The following LRRTM4 variants were observed in gnomAD, a reference collection of about 807,000 sequenced individuals.
LRRTM4 encodes the protein leucine rich repeat transmembrane neuronal 4, also known as leucine-rich repeat transmembrane neuronal protein 4.
Under a neutral mutation model 47.6 loss-of-function variants are expected in LRRTM4, and 25 were observed. The ratio of observed to expected loss-of-function variants is 0.53; its 90% CI spans 0.38 to 0.73. The LOEUF is 0.73. LRRTM4 is among the 30% of genes least tolerant of loss of function. The pLI is 0.00. For synonymous variants in LRRTM4, 311 were observed against 269.5 expected, an observed-to-expected ratio of 1.15 and a Z score of -1.51; for missense variants, 638 against 713.4, an observed-to-expected ratio of 0.89 and a Z score of 1.20.
chr2:77,010,440 C>G (rs186882162), intron 3 of LRRTM4, among the ~76,000 whole-genome samples: 152 of 149,814 alleles, frequency 1.0e-3, no homozygotes, highest in African/African-American at 3.5e-3. Context: ...CCTGGTTGAT[C>G]CATGTTTTTT....
rs563314963 is a variant in LRRTM4, at chr2:77,235,590, AG to A, written c.1551+282727del. Among the ~76,000 whole-genome samples, 478 of 152,258 alleles carry A rather than the reference AG, an allele frequency of 3.1e-3. 8 individuals carry two copies. Among genetic ancestry groups the A allele is most frequent in the Non-Finnish European group, 9.7e-4 (66 of 68,000 alleles). ...GGACATAGTCATAACTGATTTTCCA[AG>A]GCTGGTGTCCAGAATAATGTTTCTT... On this transcript the variant is annotated intron_variant, in intron 3 of 3. Transcript: ENST00000409884.
intron 3 of LRRTM4, among the ~76,000 whole-genome samples, chr2:77,302,856 T>A (rs1382010919): frequency 6.6e-6 from 1 of 152,178 alleles, no homozygotes; most frequent in East Asian, 1.9e-4. Flanking sequence ...GAAGACAATG[T>A]CAGGATAAAG....
At chr2:77,478,814 T>C (rs191312891) in intron 3 of LRRTM4, among the ~76,000 whole-genome samples, 70 of 152,320 alleles carry the variant, frequency 4.6e-4, no homozygotes, top group African/African-American at 1.6e-3. Context: ...TTTGTCTTTT[T>C]AAAAAAGAAA....
intron 3 of LRRTM4, among the ~76,000 whole-genome samples, chr2:77,419,076 G>A (rs1044028661): frequency 1.3e-5 from 2 of 152,052 alleles, no homozygotes; most frequent in African/African-American, 4.8e-5. Flanking sequence ...TGGGTACTTA[G>A]AATAGTACAC....
chr2:77,093,420 C>T (rs1670710507), intron 3 of LRRTM4, among the ~76,000 whole-genome samples: 1 of 151,284 alleles, frequency 6.6e-6, no homozygotes. Context: ...GTATCCAGGC[C>T]ATGACCAATC....
intron 3 of LRRTM4, among the ~76,000 whole-genome samples, chr2:77,320,451 G>A (rs774468743): frequency 4.6e-5 from 7 of 152,038 alleles, no homozygotes; most frequent in Non-Finnish European, 5.9e-5. Context: ...TGTTGTGCTC[G>A]CATGAGATAT....
intron 3 of LRRTM4, among the ~76,000 whole-genome samples, chr2:77,090,048 C>CT (rs1680883034): frequency 6.6e-6 from 1 of 152,108 alleles, no homozygotes; most frequent in Non-Finnish European, 1.5e-5. Context: ...CTCTCCCTTG[C>CT]TCCCCAGGCT....
At chr2:77,129,002 T>A (rs889398098) in intron 3 of LRRTM4, among the ~76,000 whole-genome samples, 1 of 152,232 alleles carries the variant, frequency 6.6e-6, no homozygotes, top group African/African-American at 2.4e-5. Context: ...TTTTTATTCA[T>A]GTCATGTTTT....
chr2:77,023,881 C>T (rs140762908), intron 3 of LRRTM4, among the ~76,000 whole-genome samples: 1,879 of 152,186 alleles, frequency 0.012, 42 homozygotes, highest in African/African-American at 0.043. Context: ...TCAGCAATGC[C>T]CCACTCTAGT....
At chr2:77,472,498 C>T (rs1054219200) in intron 3 of LRRTM4, among the ~76,000 whole-genome samples, 1 of 151,734 alleles carries the variant, frequency 6.6e-6, no homozygotes, top group Non-Finnish European at 1.5e-5. Context: ...TACCATGAAT[C>T]AGATTCAACT....
chr2:77,115,886 A>G (rs1671378253), intron 3 of LRRTM4, among the ~76,000 whole-genome samples: 1 of 152,054 alleles, frequency 6.6e-6, no homozygotes, highest in Non-Finnish European at 1.5e-5. Context: ...TCTATGTAAC[A>G]ATCATCTGTT....
intron 3 of LRRTM4, among the ~76,000 whole-genome samples, chr2:76,810,848 GGTTTA>G (rs1359070122): frequency 3.9e-5 from 6 of 152,076 alleles, no homozygotes; most frequent in African/African-American, 1.4e-4. Context: ...AAATTTAAGA[GGTTTA>G]GTTCTAGTTA....
At chr2:77,089,499 C>A (rs1468917539) in intron 3 of LRRTM4, among the ~76,000 whole-genome samples, 1 of 151,908 alleles carries the variant, frequency 6.6e-6, no homozygotes, top group Non-Finnish European at 1.5e-5. Flanking sequence ...TGCGCCCCAT[C>A]CCTTATTTCC....
intron 3 of LRRTM4, among the ~76,000 whole-genome samples, chr2:77,349,784 A>T (rs1022391863): frequency 8.5e-5 from 13 of 152,156 alleles, no homozygotes; most frequent in Admixed American, 3.3e-4. Flanking sequence ...CATATATGAA[A>T]ATGTTATGAA....
At chr2:76,944,588 G>A (rs1042214894) in intron 3 of LRRTM4, among the ~76,000 whole-genome samples, 5 of 152,062 alleles carry the variant, frequency 3.3e-5, no homozygotes, top group African/African-American at 4.8e-5. Flanking sequence ...CATGAAGGAG[G>A]TATAAGGAGG....
chr2:76,974,227 CATAT>C (rs770055399), intron 3 of LRRTM4, among the ~76,000 whole-genome samples: 55 of 125,122 alleles, frequency 4.4e-4, no homozygotes, highest in African/African-American at 1.3e-3. Context: ...TATATACATA[CATAT>C]ATATATATAC....
chr2:77,018,654 G>C (rs1168302857), intron 3 of LRRTM4, among the ~76,000 whole-genome samples: 3 of 152,138 alleles, frequency 2.0e-5, no homozygotes, highest in Non-Finnish European at 4.4e-5. Context: ...CTTTCCTGAA[G>C]TTAAATTTTG....
intron 3 of LRRTM4, among the ~76,000 whole-genome samples, chr2:77,105,083 G>A (rs576362953): frequency 6.6e-6 from 1 of 151,392 alleles, no homozygotes; most frequent in Admixed American, 6.6e-5. Context: ...GAGGAGAAAA[G>A]CAAAGGGGAA....
At chr2:76,757,275 A>T (rs2104070813) in intron 3 of LRRTM4, among the ~76,000 whole-genome samples, 1 of 152,238 alleles carries the variant, frequency 6.6e-6, no homozygotes, top group South Asian at 2.1e-4. Context: ...TGTTATTTAG[A>T]GGTGGGAACA....
Sources: gnomAD v4.1 joint callset for allele counts (sites outside exome capture counted in the v4.1 genomes callset) on GRCh38, gnomAD v4.1.1 for gene constraint, MANE v1.5 for transcripts, NCBI Gene and HGNC (gene_info 2026-07-23, HGNC 2026-07-21) for gene names.